Variants in MBTD1 observed in about 807,000 individuals in gnomAD.
MBTD1 encodes the protein mbt domain containing 1, also known as MBT domain-containing protein 1.
A neutral mutation model predicts 87.8 loss-of-function variants in MBTD1; 24 were observed. The ratio of observed to expected loss-of-function variants is 0.27; its 90% confidence interval spans 0.20 to 0.38. The LOEUF (loss-of-function observed/expected upper bound fraction) is 0.38, where lower values mean the gene tolerates loss of function less well. Among genes scored for constraint, MBTD1 ranks in the 10% least tolerant of loss-of-function variants. The pLI is 1.00. For synonymous variants in MBTD1, 237 were observed against 248.6 expected (o/e 0.95, Z 0.44); for missense variants, 436 against 760.2 (o/e 0.57, Z 5.02).
chr17:51,198,548 G>C (rs1181141528), intron 12 of MBTD1, among the ~76,000 whole-genome samples: 2 of 152,178 alleles, frequency 1.3e-5, no homozygotes, highest in African/African-American at 4.8e-5. Flanking sequence ...TCTAAATACA[G>C]GTGACTAGAC....
chr17:51,220,241 G>T, intron 4 of MBTD1, 89 bp downstream of exon 4: 1 of 1,247,202 alleles, frequency 8.0e-7, no homozygotes. Context: ...GGGCAGAGGT[G>T]GAGTACAGTG....
chr17:51,239,732 A>G (rs1283289115), intron 2 of MBTD1, among the ~76,000 whole-genome samples: 5 of 152,118 alleles, frequency 3.3e-5, no homozygotes, highest in African/African-American at 4.8e-5. Context: ...ACCTTTAGGC[A>G]TTGCCAAATG....
At chr17:51,252,058 C>T (rs951231072) in intron 2 of MBTD1, among the ~76,000 whole-genome samples, 1 of 152,204 alleles carries the variant, frequency 6.6e-6, no homozygotes, top group Non-Finnish European at 1.5e-5. Flanking sequence ...AGCCACTGCA[C>T]CCAACCATGT....
At position 51,198,295 on chromosome 17, in the gene MBTD1, C is replaced by T. The variant is rs147021380; in HGVS notation, c.1225-2934G>A. On this transcript the variant is annotated intron_variant, in intron 12 of 16. Coordinates refer to ENST00000586178, the MANE Select transcript of MBTD1 (RefSeq NM_017643.3). The stretch of plus-strand genomic sequence containing the variant: ...ACTTTCCTTCAGTCCAACCTCTGTT[C>T]AGGCCAGTACCTGTACCAAGTTATC... Among the ~76,000 whole-genome samples, 791 of 152,320 alleles carry T rather than the reference C, an allele frequency of 5.2e-3. 5 individuals are homozygous for T. The highest frequency in any genetic ancestry group is 5.9e-3 in the Non-Finnish European group (404 of 68,036).
intron 2 of MBTD1, chr17:51,249,518 T>C (rs1050604632): frequency 6.6e-5 from 10 of 152,364 alleles, no homozygotes; most frequent in African/African-American, 2.4e-4. Flanking sequence ...TTTTGTCTGA[T>C]TTAATGCTTT....
intron 8 of MBTD1, 123 bp downstream of exon 8, chr17:51,203,668 A>C: frequency 1.9e-6 from 2 of 1,044,780 alleles, no homozygotes; most frequent in Non-Finnish European, 2.9e-6. Context: ...AAGTGCTGGG[A>C]TTACAGGTGT....
chr17:51,197,517 TTTC>T (rs1043736651), intron 12 of MBTD1, among the ~76,000 whole-genome samples: 1 of 151,716 alleles, frequency 6.6e-6, no homozygotes, highest in African/African-American at 2.4e-5. Flanking sequence ...TAATTTTTCT[TTTC>T]TTTTTTTTTT....
chr17:51,236,184 G>A (rs1357493130), intron 2 of MBTD1, among the ~76,000 whole-genome samples: 1 of 151,806 alleles, frequency 6.6e-6, no homozygotes, highest in Non-Finnish European at 1.5e-5. Flanking sequence ...TCTACCTATA[G>A]ATATCTATAT....
chr17:51,228,455 AT>A (rs2053356815), intron 2 of MBTD1, among the ~76,000 whole-genome samples: 1 of 149,022 alleles, frequency 6.7e-6, no homozygotes. Flanking sequence ...TGCTGGTCTT[AT>A]GTCTCCTCCA....
chr17:51,211,914 C>T (rs1043707405), intron 6 of MBTD1, among the ~76,000 whole-genome samples: 1 of 151,914 alleles, frequency 6.6e-6, no homozygotes, highest in Non-Finnish European at 1.5e-5. Flanking sequence ...ATTTTTCTTT[C>T]CTTAAAACCT....
At chr17:51,223,209 A>C (rs1047824953) in intron 3 of MBTD1, among the ~76,000 whole-genome samples, 1 of 152,094 alleles carries the variant, frequency 6.6e-6, no homozygotes, top group Non-Finnish European at 1.5e-5. Flanking sequence ...ACAGCATTCA[A>C]TATTAGATGA....
intron 5 of MBTD1, among the ~76,000 whole-genome samples, chr17:51,218,460 C>T (rs1299538557): frequency 1.4e-5 from 2 of 142,574 alleles, no homozygotes; most frequent in East Asian, 2.1e-4. Flanking sequence ...ACCCATGAGG[C>T]AGAGGTTACA....
intron 12 of MBTD1, among the ~76,000 whole-genome samples, chr17:51,196,386 G>C (rs2051106453): frequency 6.6e-6 from 1 of 151,612 alleles, no homozygotes; most frequent in African/African-American, 2.4e-5. Context: ...ACCACGCCCA[G>C]CTAATTTTTG....
chr17:51,201,687 C>A lies in MBTD1; in HGVS notation c.1129G>T (p.Val377Leu). The A allele has an allele frequency of 1.3e-6, 2 of 1,585,292 alleles. No homozygotes were observed. Among genetic ancestry groups the A allele is most frequent in the Non-Finnish European group, 1.7e-6 (2 of 1,155,534 alleles). The change falls in exon 12 of 17, where the codon GTA becomes TTA. Residue 377 changes from valine (V) to leucine (L), a missense_variant. Physicochemically the swap from Val to Leu is conservative, Grantham distance 32. Around this residue, in one of 5 missense-constraint regions of MBTD1, gnomAD observed 268 missense variants for 401.8 expected, o/e 0.67. Coordinates refer to ENST00000586178, the MANE Select transcript of MBTD1 (RefSeq NM_017643.3). ...PPHLFAKVKE[V>L]DQSGEWFKEG... ...TTGAACCATTCCCCACTCTGGTCTA[C>A]TTCTTTTACCTAAAGAATTATATGA...
chr17:51,259,389 G>A (rs576102052), intron 1 of MBTD1, among the ~76,000 whole-genome samples, 183 bp from the exon 2 acceptor site: 1 of 151,742 alleles, frequency 6.6e-6, no homozygotes, highest in Admixed American at 6.6e-5. Flanking sequence ...ACCGCCTCGC[G>A]GCACTGCCCC....
In MBTD1 at chr17:51,179,516, A is replaced by ATATATATTTATATT. The variant is rs1568136310; in HGVS notation, c.*1059_*1060insAATATAAATATATA. 3.4e-5 allele frequency: 3 copies of ATATATATTTATATT among 87,990 alleles called. No individual in the cohort carries two copies. The highest frequency in any genetic ancestry group is 9.8e-5 in the African/African-American group (2 of 20,368). 5.5% of individuals were successfully genotyped at this position (87,990 alleles called of 1,614,324 possible). ...TATATATATATATATATATATATAT[A>ATATATATTTATATT]TATATATATATATATATATATGGAA... On this transcript the variant is annotated 3_prime_UTR_variant, in exon 17 of 17. Transcript: ENST00000586178.
chr17:51,259,461 A>T (rs1457123476), intron 1 of MBTD1, among the ~76,000 whole-genome samples: 2 of 151,934 alleles, frequency 1.3e-5, no homozygotes, highest in Non-Finnish European at 2.9e-5. Context: ...CCCCGCCAAG[A>T]AGAGAGGACT....
intron 8 of MBTD1, 55 bp downstream of exon 8, chr17:51,203,736 T>C (rs183802996): frequency 1.8e-5 from 28 of 1,536,400 alleles, no homozygotes; most frequent in Admixed American, 7.8e-5. Flanking sequence ...ATGTGTAAAA[T>C]AGCATTAAAG....
At chr17:51,222,595 A>G (rs529290236) in intron 3 of MBTD1, among the ~76,000 whole-genome samples, 246 of 151,228 alleles carry the variant, frequency 1.6e-3, no homozygotes, top group African/African-American at 5.8e-3. Context: ...ATGGGGTTTC[A>G]CCATGTTGCC....
Sources: gnomAD v4.1 joint callset for allele counts (sites outside exome capture counted in the v4.1 genomes callset) on GRCh38, gnomAD v4.1.1 for gene constraint, gnomAD v4.1.1 regional missense constraint, MANE v1.5 for transcripts, NCBI Gene and HGNC (gene_info 2026-07-23, HGNC 2026-07-21) for gene names.